INVS: variants seen among roughly 807,000 people sequenced by gnomAD.
INVS encodes inversin, also known as inversion of embryo turning homolog.
A neutral mutation model predicts 108.8 loss-of-function variants in INVS; 86 were observed. The observed-to-expected ratio is 0.79, with a 90% CI of 0.66 to 0.95. INVS has a LOEUF of 0.95. INVS is among the 40% of genes least tolerant of loss of function. The pLI, the probability that INVS is intolerant of heterozygous loss-of-function variation, is 0.00. For synonymous variants in INVS, 455 were observed against 473.5 expected, an observed-to-expected ratio of 0.96 and a Z score of 0.51; for missense variants, 1,169 against 1,297.4, an observed-to-expected ratio of 0.90 and a Z score of 1.52.
At chr9:100,206,381 TTA>T (rs1189104168) in intron 3 of INVS, among the ~76,000 whole-genome samples, 4 of 152,280 alleles carry the variant, frequency 2.6e-5, no homozygotes, top group African/African-American at 9.6e-5. Flanking sequence ...TTTTCTAACT[TTA>T]TGTTTTGATA....
chr9:100,238,847 A>C (rs1038119592), intron 5 of INVS, among the ~76,000 whole-genome samples: 4 of 152,222 alleles, frequency 2.6e-5, no homozygotes, highest in African/African-American at 9.6e-5. Flanking sequence ...GATCCAGTAG[A>C]AAAATTAATT....
At chr9:100,122,633 G>T (rs1201328061) in intron 2 of INVS, among the ~76,000 whole-genome samples, 1 of 129,988 alleles carries the variant, frequency 7.7e-6, no homozygotes, top group Non-Finnish European at 1.5e-5. Context: ...GCCCAGGCTG[G>T]AGTGCAGTGG....
chr9:100,196,790 C>T (rs1830388445), intron 3 of INVS, among the ~76,000 whole-genome samples: 1 of 151,544 alleles, frequency 6.6e-6, no homozygotes, highest in Non-Finnish European at 1.5e-5. Context: ...GTGAAATTTT[C>T]CTAACCACTG....
intron 3 of INVS, chr9:100,130,029 G>C (rs1332738839): frequency 7.4e-6 from 2 of 270,042 alleles, no homozygotes; most frequent in African/African-American, 4.4e-5. Flanking sequence ...TTAAACAACA[G>C]CTGGGAGACT....
chr9:100,288,068 A>G (rs1447675039), intron 13 of INVS, among the ~76,000 whole-genome samples: 2 of 152,226 alleles, frequency 1.3e-5, no homozygotes, highest in Non-Finnish European at 2.9e-5. Context: ...TAGGAGGCGT[A>G]TAGCAGCCAT....
chr9:100,134,357 G>A (rs562422683), intron 3 of INVS, among the ~76,000 whole-genome samples: 1 of 152,248 alleles, frequency 6.6e-6, no homozygotes, highest in East Asian at 1.9e-4. Context: ...ATGGGCATTT[G>A]GGTTGGTTCC....
chr9:100,131,473 C>A (rs10988978), intron 3 of INVS, among the ~76,000 whole-genome samples: 1 of 151,960 alleles, frequency 6.6e-6, no homozygotes, highest in Non-Finnish European at 1.5e-5. Flanking sequence ...TCTCAATATA[C>A]TGAACATCTG....
At chr9:100,171,537 G>A (rs1829541732) in intron 3 of INVS, among the ~76,000 whole-genome samples, 7 of 152,130 alleles carry the variant, frequency 4.6e-5, no homozygotes, top group Admixed American at 3.9e-4. Flanking sequence ...TAGAAAACGT[G>A]GAGAGATGAT....
chr9:100,214,515 C>G (rs1223615732), intron 3 of INVS, among the ~76,000 whole-genome samples: 1 of 152,240 alleles, frequency 6.6e-6, no homozygotes, highest in African/African-American at 2.4e-5. Flanking sequence ...GGCAGTATCA[C>G]TAAGTAGTTG....
At position 100,292,459 on chromosome 9, in the gene INVS, G is replaced by T; in HGVS notation, c.2202G>T (p.Arg734=). 6.2e-7 allele frequency: 1 copy of T among 1,614,170 alleles called. No individual in the cohort carries two copies. Among genetic ancestry groups the T allele is most frequent in the Non-Finnish European group, 8.5e-7 (1 of 1,180,040 alleles). The change falls in exon 14 of 17, where the codon CGG becomes CGT. Residue 734 remains arginine (R), a synonymous_variant. Coordinates refer to ENST00000262457, the MANE Select transcript of INVS (RefSeq NM_014425.5). ...KSRGETAGDE[R]CAKGKGFVKQ... ...GAGGTGAGACAGCTGGCGATGAGCG[G>T]TGTGCAAAGGGGAAAGGCTTCGTGA...
intron 1 of INVS, 44 bp from the exon 2 acceptor site, chr9:100,104,454 G>C (rs1328488447): frequency 6.5e-6 from 7 of 1,077,496 alleles, no homozygotes; most frequent in Middle Eastern, 2.0e-4. Context: ...ACAGGTTTCA[G>C]AAATGTTTGC....
chr9:100,139,805 C>G (rs1828363340), intron 3 of INVS, among the ~76,000 whole-genome samples: 1 of 152,088 alleles, frequency 6.6e-6, no homozygotes, highest in Non-Finnish European at 1.5e-5. Context: ...CTACGCCCAG[C>G]TAATTTTTGT....
intron 3 of INVS, among the ~76,000 whole-genome samples, chr9:100,196,068 ATT>A (rs1048672336): frequency 1.4e-4 from 21 of 152,194 alleles, no homozygotes; most frequent in East Asian, 7.7e-4. Context: ...GGAATTATTT[ATT>A]TCTTAACTTT....
intron 14 of INVS, among the ~76,000 whole-genome samples, chr9:100,296,408 G>A (rs113723375): frequency 2.6e-5 from 4 of 152,038 alleles, no homozygotes; most frequent in Non-Finnish European, 2.9e-5. Context: ...GCCCCCTTTC[G>A]TCACCAAAGA....
At chr9:100,155,317 G>A (rs962419409) in intron 3 of INVS, among the ~76,000 whole-genome samples, 9 of 151,906 alleles carry the variant, frequency 5.9e-5, no homozygotes, top group African/African-American at 2.2e-4. Flanking sequence ...AATTATTCAA[G>A]TGAATTTATT....
intron 3 of INVS, among the ~76,000 whole-genome samples, chr9:100,199,185 T>G (rs1475234029): frequency 1.3e-5 from 2 of 152,116 alleles, no homozygotes; most frequent in African/African-American, 2.4e-5. Flanking sequence ...GCTACTAATG[T>G]AGCCACTCCA....
At chr9:100,112,388 G>A (rs956689589) in intron 2 of INVS, among the ~76,000 whole-genome samples, 3 of 152,038 alleles carry the variant, frequency 2.0e-5, no homozygotes, top group Non-Finnish European at 2.9e-5. Flanking sequence ...TACATATATC[G>A]GTTACAAAGA....
intron 3 of INVS, among the ~76,000 whole-genome samples, chr9:100,222,283 G>T (rs1287677614): frequency 6.6e-6 from 1 of 152,064 alleles, no homozygotes; most frequent in Non-Finnish European, 1.5e-5. Flanking sequence ...AATATCATTT[G>T]TCTCATTTCA....
intron 5 of INVS, among the ~76,000 whole-genome samples, chr9:100,238,027 T>C (rs1465687468): frequency 1.3e-5 from 2 of 152,004 alleles, no homozygotes; most frequent in African/African-American, 2.4e-5. Context: ...TACAGGCACA[T>C]GCCACCACGC....
Sources: gnomAD v4.1 joint callset for allele counts (sites outside exome capture counted in the v4.1 genomes callset) on GRCh38, gnomAD v4.1.1 for gene constraint, MANE v1.5 for transcripts, NCBI Gene and HGNC (gene_info 2026-07-23, HGNC 2026-07-21) for gene names.